NKAIN3: variants seen among roughly 807,000 people sequenced by gnomAD.
NKAIN3 encodes the protein sodium/potassium-transporting ATPase subunit beta-1-interacting protein 3.
NKAIN3 carries 25 observed loss-of-function variants against 30.2 expected under a neutral mutation model. The observed-to-expected ratio is 0.83, with a 90% CI of 0.60 to 1.16. The LOEUF is 1.16. NKAIN3 is among the 50% of genes most tolerant of loss of function. The pLI is 0.00. For missense variants in NKAIN3, 225 were observed against 254.1 expected (o/e 0.89, Z 0.78); for synonymous variants, 91 against 89.6 (o/e 1.02, Z -0.09).
intron 1 of NKAIN3, among the ~76,000 whole-genome samples, chr8:62,506,730 C>T (rs2129713162): frequency 6.6e-6 from 1 of 152,170 alleles, no homozygotes; most frequent in East Asian, 1.9e-4. Flanking sequence ...ACCTCAGCCT[C>T]CCAGAGTGCT....
chr8:62,808,213 ATAC>A lies in NKAIN3; in HGVS notation c.471+61089_471+61091del, dbSNP rs1398169775. ...CAATGTCTTTGGTCACTATTCTAAC[ATAC>A]TACTTTGGGTTCTATTTTCCTATTC... is the stretch of plus-strand genomic sequence containing the variant. On this transcript the variant is annotated intron_variant, in intron 4 of 6. Coordinates refer to ENST00000623646, the MANE Select transcript of NKAIN3 (RefSeq NM_001304533.3). Among the ~76,000 whole-genome samples, 73 of 152,186 alleles carry A rather than the reference ATAC, an allele frequency of 4.8e-4. 1 individual carries two copies. The highest frequency in any genetic ancestry group is 2.6e-4 in the Admixed American group (4 of 15,266).
At chr8:62,341,811 C>G (rs1434016802) in intron 1 of NKAIN3, among the ~76,000 whole-genome samples, 2 of 151,950 alleles carry the variant, frequency 1.3e-5, no homozygotes, top group Non-Finnish European at 2.9e-5. Flanking sequence ...TTGTGTTTCT[C>G]TTTTTCACTT....
intron 3 of NKAIN3, among the ~76,000 whole-genome samples, chr8:62,605,855 G>C (rs1269800352): frequency 6.6e-6 from 1 of 151,956 alleles, no homozygotes; most frequent in African/African-American, 2.4e-5. Context: ...AATTGTAATA[G>C]AAACAAATTT....
chr8:62,889,855 G>A (rs145549662), intron 4 of NKAIN3, among the ~76,000 whole-genome samples: 1 of 152,070 alleles, frequency 6.6e-6, no homozygotes, highest in East Asian at 1.9e-4. Flanking sequence ...CTTTTAATTA[G>A]GTTTGGGTTT....
At chr8:62,328,883 G>T (rs962823530) in intron 1 of NKAIN3, among the ~76,000 whole-genome samples, 1 of 152,006 alleles carries the variant, frequency 6.6e-6, no homozygotes, top group South Asian at 2.1e-4. Flanking sequence ...ACACCCTTGG[G>T]CTACGTTGCA....
intron 3 of NKAIN3, among the ~76,000 whole-genome samples, chr8:62,605,447 A>T (rs954669630): frequency 4.0e-5 from 6 of 151,772 alleles, no homozygotes; most frequent in Admixed American, 3.3e-4. Flanking sequence ...AGTCTATTTT[A>T]TCTAGTATTT....
chr8:62,675,744 C>T (rs182568623), intron 3 of NKAIN3, among the ~76,000 whole-genome samples: 21 of 152,276 alleles, frequency 1.4e-4, no homozygotes, highest in Admixed American at 1.2e-3. Context: ...ACACTCACCT[C>T]ATAGGAAGTT....
chr8:62,585,962 G>A (rs561744729), intron 2 of NKAIN3, among the ~76,000 whole-genome samples: 20 of 152,242 alleles, frequency 1.3e-4, no homozygotes, highest in African/African-American at 4.8e-4. Flanking sequence ...TTTCATGGGT[G>A]ATAATTTAAT....
intron 1 of NKAIN3, among the ~76,000 whole-genome samples, chr8:62,268,627 ACT>A (rs1195463562): frequency 6.6e-6 from 1 of 151,814 alleles, no homozygotes; most frequent in Non-Finnish European, 1.5e-5. Flanking sequence ...ATTGTGCATA[ACT>A]CTTCATATTT....
At chr8:62,306,466 G>A (rs1022933310) in intron 1 of NKAIN3, among the ~76,000 whole-genome samples, 3 of 149,950 alleles carry the variant, frequency 2.0e-5, no homozygotes, top group Non-Finnish European at 4.4e-5. Flanking sequence ...CCCAGTGCGA[G>A]CCCTACCTGA....
chr8:62,669,352 G>T (rs546737283), intron 3 of NKAIN3, among the ~76,000 whole-genome samples: 1 of 151,900 alleles, frequency 6.6e-6, no homozygotes. Flanking sequence ...TAAACCTCCC[G>T]CACTCCTAAC....
At chr8:62,273,725 A>G (rs1334224179) in intron 1 of NKAIN3, among the ~76,000 whole-genome samples, 1 of 152,188 alleles carries the variant, frequency 6.6e-6, no homozygotes, top group Non-Finnish European at 1.5e-5. Flanking sequence ...CAGTCAGCTT[A>G]GAAGAGATGT....
chr8:62,268,611 T>G (rs1030992218), intron 1 of NKAIN3, among the ~76,000 whole-genome samples: 1 of 152,196 alleles, frequency 6.6e-6, no homozygotes, highest in African/African-American at 2.4e-5. Context: ...ACCTGTTATG[T>G]TAGGTATTGT....
chr8:62,788,396 G>C (rs1390478282), intron 4 of NKAIN3, among the ~76,000 whole-genome samples: 1 of 151,802 alleles, frequency 6.6e-6, no homozygotes, highest in Non-Finnish European at 1.5e-5. Flanking sequence ...TTTTTTTCTT[G>C]TAAATTTGTT....
At chr8:62,302,000 T>C (rs748137578) in intron 1 of NKAIN3, among the ~76,000 whole-genome samples, 5 of 152,100 alleles carry the variant, frequency 3.3e-5, no homozygotes, top group African/African-American at 1.2e-4. Context: ...CAGACTTTTG[T>C]AAAAGTAGCC....
At chr8:62,737,028 G>A (rs1451507764) in intron 3 of NKAIN3, among the ~76,000 whole-genome samples, 1 of 152,158 alleles carries the variant, frequency 6.6e-6, no homozygotes, top group Non-Finnish European at 1.5e-5. Flanking sequence ...CACCCATTGG[G>A]CACTCACAGT....
intron 4 of NKAIN3, among the ~76,000 whole-genome samples, chr8:62,771,303 T>A (rs1041985986): frequency 6.6e-6 from 1 of 151,190 alleles, no homozygotes; most frequent in African/African-American, 2.4e-5. Context: ...AAGGAAAATA[T>A]CCCAACAATG....
At chr8:62,437,086 A>C (rs1805194360) in intron 1 of NKAIN3, among the ~76,000 whole-genome samples, 1 of 152,212 alleles carries the variant, frequency 6.6e-6, no homozygotes, top group African/African-American at 2.4e-5. Context: ...GGAGAGATGC[A>C]ATGATTAAAG....
intron 4 of NKAIN3, among the ~76,000 whole-genome samples, chr8:62,906,129 G>A (rs1821766941): frequency 6.6e-6 from 1 of 152,126 alleles, no homozygotes; most frequent in African/African-American, 2.4e-5. Context: ...CATGATAAAT[G>A]GAGAAAAGAG....
Sources: allele counts gnomAD v4.1 joint callset (sites outside exome capture counted in the v4.1 genomes callset), GRCh38; gene constraint gnomAD v4.1.1; transcripts MANE v1.5; gene names NCBI Gene and HGNC (gene_info 2026-07-23, HGNC 2026-07-21).